RPH3AL: variants seen among roughly 807,000 people sequenced by gnomAD.
The protein encoded by RPH3AL is rab effector Noc2.
A neutral mutation model predicts 43.1 loss-of-function variants in RPH3AL; 38 were observed. The observed-to-expected ratio is 0.88, with a 90% CI of 0.68 to 1.15. The LOEUF (loss-of-function observed/expected upper bound fraction) is 1.15, where lower values mean the gene tolerates loss of function less well. Ranked by LOEUF, RPH3AL falls within the 50% of genes most tolerant of loss-of-function variation. The pLI, the probability that RPH3AL is intolerant of heterozygous loss-of-function variation, is 0.00. For synonymous variants in RPH3AL, 189 were observed against 176.3 expected, an observed-to-expected ratio of 1.07 and a Z score of -0.57; for missense variants, 462 against 423.2, an observed-to-expected ratio of 1.09 and a Z score of -0.81.
rs115540344 is a variant in RPH3AL, at chr17:291,367, C to A, written c.352-9513G>T. ...CCAGCCTGGGCAACACAATGAGACT[C>A]CCCCACCCCCCATCTCATTTTAAAA... On this transcript the variant is annotated intron_variant, in intron 5 of 9. Coordinates refer to ENST00000331302, the MANE Select transcript of RPH3AL (RefSeq NM_006987.4). 7.4e-3 allele frequency among the ~76,000 whole-genome samples: 1,123 copies of A among 152,104 alleles called. 13 individuals carry two copies. Among genetic ancestry groups the A allele is most frequent in the African/African-American group, 0.025 (1,048 of 41,486 alleles).
chr17:217,253 T>C (rs1597866403), intron 8 of RPH3AL, among the ~76,000 whole-genome samples: 2 of 123,298 alleles, frequency 1.6e-5, no homozygotes, highest in South Asian at 2.8e-4. Flanking sequence ...TATGGAGCCC[T>C]TTCTTCTTCT....
intron 6 of RPH3AL, among the ~76,000 whole-genome samples, chr17:248,222 C>T (rs7222853): frequency 0.011 from 1,648 of 152,308 alleles, 29 homozygotes; most frequent in African/African-American, 0.037. Flanking sequence ...CCCCTCTCAT[C>T]GAGCCACCCC....
intron 5 of RPH3AL, among the ~76,000 whole-genome samples, chr17:296,777 G>A (rs1387553858): frequency 6.6e-6 from 1 of 152,242 alleles, no homozygotes; most frequent in Non-Finnish European, 1.5e-5. Context: ...AAAAAAGGGT[G>A]TGGAAGGGTT....
intron 6 of RPH3AL, among the ~76,000 whole-genome samples, chr17:252,276 C>A (rs1450798517): frequency 6.6e-6 from 1 of 152,084 alleles, no homozygotes; most frequent in African/African-American, 2.4e-5. Flanking sequence ...CGCCTAGCCT[C>A]TCCCTTTTTT....
chr17:315,368 G>A (rs796382614), intron 5 of RPH3AL, among the ~76,000 whole-genome samples: 3 of 146,036 alleles, frequency 2.1e-5, no homozygotes, highest in Admixed American at 6.8e-5. Flanking sequence ...CCACTGACCT[G>A]TAGTCCCTGT....
At chr17:326,603 A>G (rs35325014) in intron 3 of RPH3AL, among the ~76,000 whole-genome samples, 3,230 of 152,334 alleles carry the variant, frequency 0.021, 54 homozygotes, top group Non-Finnish European at 0.034. Context: ...AACCAGGGCC[A>G]GGCGCGGTGG....
chr17:302,844 A>G (rs2043363456), intron 5 of RPH3AL, among the ~76,000 whole-genome samples: 1 of 152,272 alleles, frequency 6.6e-6, no homozygotes, highest in African/African-American at 2.4e-5. Context: ...AGGAGTGTAC[A>G]TAGGCATCCA....
At chr17:349,314 A>T (rs2045309379) in intron 1 of RPH3AL, 1 of 152,184 alleles carries the variant, frequency 6.6e-6, no homozygotes, top group African/African-American at 2.4e-5. Flanking sequence ...ACTTGGGCAG[A>T]GCTGGGAACT....
Position 212,820 on chromosome 17 carries a change from G to A in RPH3AL, c.*1032C>T, listed in dbSNP as rs2040706815. The A allele has an allele frequency of 1.3e-5, 2 of 151,978 alleles. No homozygotes were observed. The highest frequency in any genetic ancestry group is 1.3e-4 in the Admixed American group (2 of 15,262). The allele number at this position is 151,978 out of a possible 1,614,324, so 9.4% of individuals were successfully genotyped here. On this transcript the variant is annotated 3_prime_UTR_variant, in exon 10 of 10. Transcript: ENST00000331302. Reference sequence around the variant, plus strand: ...TGAAGAGAAGTGAATTCATGGCTGAGGGAGCCACGTGCCCTGGCTGGGGAT... The same window carrying A: ...TGAAGAGAAGTGAATTCATGGCTGAAGGAGCCACGTGCCCTGGCTGGGGAT...
At chr17:220,008 A>T (rs1423719041) in intron 7 of RPH3AL, among the ~76,000 whole-genome samples, 3 of 152,154 alleles carry the variant, frequency 2.0e-5, no homozygotes, top group Non-Finnish European at 4.4e-5. Flanking sequence ...AGCCACCTCC[A>T]CATGACAACC....
intron 8 of RPH3AL, among the ~76,000 whole-genome samples, chr17:219,078 C>A (rs992867326): frequency 4.6e-5 from 7 of 151,986 alleles, no homozygotes; most frequent in African/African-American, 4.8e-5. Context: ...CCTCAAGGAG[C>A]CTGTTGTCCC....
intron 5 of RPH3AL, among the ~76,000 whole-genome samples, chr17:295,364 G>A (rs1598034622): frequency 7.0e-6 from 1 of 142,368 alleles, no homozygotes; most frequent in African/African-American, 2.6e-5. Context: ...ACGGGCAGAG[G>A]GAATGCACAT....
chr17:247,377 G>A (rs1490816793), intron 6 of RPH3AL, 92 bp from the exon 7 acceptor site: 33 of 1,318,330 alleles, frequency 2.5e-5, no homozygotes, highest in Non-Finnish European at 3.3e-5. Context: ...AGGACGCGGA[G>A]AGCTAGGAGC....
chr17:309,365 G>C (rs2043576614), intron 5 of RPH3AL, among the ~76,000 whole-genome samples: 1 of 152,058 alleles, frequency 6.6e-6, no homozygotes, highest in African/African-American at 2.4e-5. Flanking sequence ...AACAGAGAGG[G>C]AAGCTGAAGC....
intron 7 of RPH3AL, among the ~76,000 whole-genome samples, chr17:219,954 T>C (rs2151499336): frequency 6.6e-6 from 1 of 152,288 alleles, no homozygotes; most frequent in Admixed American, 6.5e-5. Flanking sequence ...GAGGCTGGGA[T>C]CTGGGCTCAG....
chr17:327,590 G>C lies in RPH3AL; in HGVS notation c.-36-11C>G. The C allele has an allele frequency of 6.3e-7, 1 of 1,574,818 alleles. No individual in the cohort carries two copies. Among genetic ancestry groups the C allele is most frequent in the South Asian group, 1.1e-5 (1 of 90,248 alleles). On this transcript the variant is annotated splice_polypyrimidine_tract_variant and intron_variant, in intron 2 of 9. Transcript: ENST00000331302. ...GGTGGGGAGTCACATCTGAGATGAA[G>C]GAGGGAAGACGAAAGAGTGTGCATC...
chr17:249,928 C>CCAT, intron 6 of RPH3AL, among the ~76,000 whole-genome samples: 1 of 149,924 alleles, frequency 6.7e-6, no homozygotes, highest in Non-Finnish European at 1.5e-5. Flanking sequence ...TTACTAAGCT[C>CCAT]CGTCGCTGCG....
At chr17:327,445 G>T (rs377555705) in intron 3 of RPH3AL, 22 bp downstream of exon 3, 6 of 1,607,870 alleles carry the variant, frequency 3.7e-6, no homozygotes, top group African/African-American at 1.3e-5. Context: ...GGGACGGCCT[G>T]GGGGGCCCCA....
At chr17:214,053 G>A (rs374202194) in intron 9 of RPH3AL, 130 bp from the exon 10 acceptor site, 13 of 688,986 alleles carry the variant, frequency 1.9e-5, no homozygotes, top group South Asian at 7.4e-5. Flanking sequence ...GACAGCATCC[G>A]TGCCTCAGCC....
Sources: gnomAD v4.1 joint callset for allele counts (sites outside exome capture counted in the v4.1 genomes callset) on GRCh38, gnomAD v4.1.1 for gene constraint, MANE v1.5 for transcripts, NCBI Gene and HGNC (gene_info 2026-07-23, HGNC 2026-07-21) for gene names.